UBE2H: variants seen among roughly 807,000 people sequenced by gnomAD.
The protein encoded by UBE2H is ubiquitin-conjugating enzyme E2 H.
In UBE2H, 3 loss-of-function variants were observed where a neutral mutation model predicts 29.0. That is an observed-to-expected ratio of 0.10 (90% CI 0.05 to 0.27). UBE2H has a LOEUF of 0.27. Among genes scored for constraint, UBE2H ranks in the 10% least tolerant of loss-of-function variants. The probability of loss-of-function intolerance (pLI) is 1.00; values close to 1 mark genes in which losing one functional copy is unlikely to be tolerated. For synonymous variants in UBE2H, 69 were observed against 82.9 expected (o/e 0.83, Z 0.91); for missense variants, 68 against 228.2 (o/e 0.30, Z 4.52).
chr7:129,844,632 C>T (rs548549488), intron 5 of UBE2H, among the ~76,000 whole-genome samples: 7 of 152,220 alleles, frequency 4.6e-5, no homozygotes, highest in African/African-American at 9.6e-5. Context: ...ACCCCATTTC[C>T]GCCTGTCTTA....
chr7:129,864,960 A>G, intron 3 of UBE2H: 1 of 331,076 alleles, frequency 3.0e-6, no homozygotes, highest in South Asian at 2.4e-5. Context: ...AGCACTCGTT[A>G]AAGGGGATGG....
chr7:129,851,946 A>G (rs1805617764), intron 5 of UBE2H, among the ~76,000 whole-genome samples: 4 of 152,206 alleles, frequency 2.6e-5, no homozygotes. Context: ...TTTATTATGT[A>G]CAACAGGTGA....
intron 1 of UBE2H, among the ~76,000 whole-genome samples, chr7:129,903,915 T>C (rs947543240): frequency 6.6e-6 from 1 of 152,156 alleles, no homozygotes; most frequent in African/African-American, 2.4e-5. Context: ...TAAAAAATAA[T>C]AAGTTCTAGG....
intron 6 of UBE2H, among the ~76,000 whole-genome samples, chr7:129,836,866 C>CAA (rs1805335616): frequency 1.3e-5 from 1 of 79,368 alleles, no homozygotes; most frequent in Non-Finnish European, 2.8e-5. Context: ...GGCGACAGGG[C>CAA]AAGACTCCGT....
intron 1 of UBE2H, among the ~76,000 whole-genome samples, chr7:129,885,174 G>C (rs1198251884): frequency 2.6e-5 from 4 of 152,114 alleles, no homozygotes; most frequent in Non-Finnish European, 4.4e-5. Context: ...TGTTCAACTT[G>C]GGTATCCAGA....
At chr7:129,858,689 G>A (rs776527629) in intron 4 of UBE2H, among the ~76,000 whole-genome samples, 4 of 152,098 alleles carry the variant, frequency 2.6e-5, no homozygotes, top group Non-Finnish European at 5.9e-5. Context: ...ACCCAGTCAC[G>A]ACAATGGAAA....
intron 1 of UBE2H, among the ~76,000 whole-genome samples, chr7:129,925,139 G>A (rs1807240372): frequency 1.3e-5 from 2 of 152,074 alleles, no homozygotes; most frequent in South Asian, 2.1e-4. Flanking sequence ...CACGAGGTCA[G>A]GAGTTCAAGA....
intron 1 of UBE2H, among the ~76,000 whole-genome samples, chr7:129,923,069 T>C (rs1184022956): frequency 1.3e-5 from 2 of 151,808 alleles, no homozygotes; most frequent in African/African-American, 4.8e-5. Flanking sequence ...CCCAGCTAAT[T>C]TTTTGTATTT....
chr7:129,861,481 A>AT (rs1805802334), intron 3 of UBE2H, among the ~76,000 whole-genome samples: 2 of 152,112 alleles, frequency 1.3e-5, no homozygotes, highest in Admixed American at 6.6e-5. Flanking sequence ...ACAGGTGTGG[A>AT]TGGTTGTCAT....
At chr7:129,901,821 T>C (rs1216472569) in intron 1 of UBE2H, among the ~76,000 whole-genome samples, 1 of 152,038 alleles carries the variant, frequency 6.6e-6, no homozygotes, top group Admixed American at 6.6e-5. Flanking sequence ...GTCTCAACTC[T>C]TGACCTCAAG....
chr7:129,924,017 G>A (rs1273282923), intron 1 of UBE2H, among the ~76,000 whole-genome samples: 1 of 152,140 alleles, frequency 6.6e-6, no homozygotes, highest in Non-Finnish European at 1.5e-5. Context: ...CCTCAGCAGG[G>A]CAAACAAAGC....
At chr7:129,915,714 C>T (rs941671525) in intron 1 of UBE2H, among the ~76,000 whole-genome samples, 4 of 152,124 alleles carry the variant, frequency 2.6e-5, no homozygotes, top group African/African-American at 4.8e-5. Context: ...ACAGCCTGCC[C>T]GTACCTGTGG....
chr7:129,942,725 A>C (rs1418805582), intron 1 of UBE2H, among the ~76,000 whole-genome samples: 1 of 152,238 alleles, frequency 6.6e-6, no homozygotes, highest in Non-Finnish European at 1.5e-5. Context: ...ATACTTTACA[A>C]AGAAAATAAT....
intron 3 of UBE2H, among the ~76,000 whole-genome samples, chr7:129,861,662 C>CGGA (rs1488237849): frequency 6.6e-6 from 1 of 152,170 alleles, no homozygotes; most frequent in African/African-American, 2.4e-5. Context: ...GATGCTAAGA[C>CGGA]GGACGGATTA....
intron 1 of UBE2H, among the ~76,000 whole-genome samples, chr7:129,904,285 C>CT (rs199845683): frequency 0.065 from 9,490 of 146,618 alleles, 357 homozygotes; most frequent in Non-Finnish European, 0.094. Flanking sequence ...TAAGGTGTGT[C>CT]TTTTTTTTTT....
chr7:129,897,339 T>C (rs1806619241), intron 1 of UBE2H, among the ~76,000 whole-genome samples: 1 of 152,198 alleles, frequency 6.6e-6, no homozygotes, highest in African/African-American at 2.4e-5. Flanking sequence ...AACCCACTAG[T>C]CTAAAGCTCT....
chr7:129,885,786 A>G (rs903073803), intron 1 of UBE2H, among the ~76,000 whole-genome samples: 6 of 152,362 alleles, frequency 3.9e-5, no homozygotes, highest in Admixed American at 2.0e-4. Context: ...ATGAGATAGA[A>G]AAAAGAATTT....
chr7:129,924,786 G>A (rs573598761), intron 1 of UBE2H, among the ~76,000 whole-genome samples: 1 of 151,824 alleles, frequency 6.6e-6, no homozygotes, highest in Non-Finnish European at 1.5e-5. Context: ...AAAGCCCCAA[G>A]GTCTCTGAGC....
intron 3 of UBE2H, among the ~76,000 whole-genome samples, chr7:129,862,456 A>G (rs1011597650): frequency 6.6e-6 from 1 of 152,228 alleles, no homozygotes; most frequent in Non-Finnish European, 1.5e-5. Flanking sequence ...AATAAGTCCT[A>G]CATTAGAAGG....
Sources: allele counts gnomAD v4.1 joint callset (sites outside exome capture counted in the v4.1 genomes callset), GRCh38; gene constraint gnomAD v4.1.1; transcripts MANE v1.5; gene names NCBI Gene and HGNC (gene_info 2026-07-23, HGNC 2026-07-21).